Variants in SIK3 observed in about 807,000 individuals in gnomAD.
The protein encoded by SIK3 is serine/threonine-protein kinase SIK3.
SIK3 carries 28 observed loss-of-function variants against 144.2 expected under a neutral mutation model. The observed-to-expected ratio is 0.19, with a 90% CI of 0.14 to 0.27. The LOEUF (loss-of-function observed/expected upper bound fraction) is 0.27, where lower values mean the gene tolerates loss of function less well. SIK3 is among the 10% of genes least tolerant of loss of function. SIK3 has a pLI of 1.00. For synonymous variants in SIK3, 686 were observed against 676.3 expected (o/e 1.01, Z -0.22); for missense variants, 1,319 against 1,776.0 (o/e 0.74, Z 4.62).
At chr11:116,908,250 A>C (rs1946155064) in intron 4 of SIK3, among the ~76,000 whole-genome samples, 1 of 152,180 alleles carries the variant, frequency 6.6e-6, no homozygotes, top group African/African-American at 2.4e-5. Flanking sequence ...CCAAGACAGG[A>C]GGATTGCTTG....
At chr11:116,855,083 CAAAA>C (rs528405922) in intron 21 of SIK3, among the ~76,000 whole-genome samples, 166 of 82,080 alleles carry the variant, frequency 2.0e-3, no homozygotes, top group African/African-American at 8.6e-3. Context: ...GAGACTCTGC[CAAAA>C]AAAAAAAAAA....
chr11:117,018,796 C>G (rs1466506056), intron 1 of SIK3, among the ~76,000 whole-genome samples: 1 of 151,944 alleles, frequency 6.6e-6, no homozygotes, highest in Non-Finnish European at 1.5e-5. Flanking sequence ...ACTGAAACCT[C>G]CACCTCCTGT....
rs548261716 is a variant in SIK3 at position 116,989,521 on chromosome 11, G to C, written c.274-32457C>G. Among the ~76,000 whole-genome samples the C allele has an allele frequency of 7.3e-5, 11 of 150,930 alleles. No homozygotes were observed. The South Asian group carries it at 2.3e-3, about 32-fold the overall frequency. On this transcript the variant is annotated intron_variant, in intron 1 of 24. Transcript: ENST00000445177. ...CCAGGTCAGTCCTCTGAGACCTCCA[G>C]TACCAAAAAGATACAGTATCAGTAA...
At chr11:116,941,902 A>T (rs1284482473) in intron 3 of SIK3, among the ~76,000 whole-genome samples, 2 of 152,228 alleles carry the variant, frequency 1.3e-5, no homozygotes, top group African/African-American at 4.8e-5. Context: ...AAAACTAACC[A>T]GTTTCTCAAT....
In SIK3 at chr11:116,859,250, G is replaced by A. The variant is rs770697792; in HGVS notation, c.2765+15C>T. 29 of 1,588,304 alleles carry A rather than the reference G, an allele frequency of 1.8e-5. No individual in the cohort carries two copies. The Middle Eastern group carries it at 8.4e-4, about 46-fold the overall frequency. ...TCCCATGCATAGATGGCTGGGTGAC[G>A]TTAGGCGGTCTTACCTGTGAGCCTC... On this transcript the variant is annotated intron_variant, in intron 20 of 24. Coordinates refer to ENST00000445177, the MANE Select transcript of SIK3 (RefSeq NM_001366686.3).
chr11:116,906,815 A>G (rs562908058), intron 4 of SIK3, among the ~76,000 whole-genome samples: 4 of 152,364 alleles, frequency 2.6e-5, no homozygotes, highest in African/African-American at 9.6e-5. Flanking sequence ...ATCCAGATCC[A>G]TTCAGAGTTA....
Position 116,869,766 on chromosome 11 carries a change from C to T in SIK3, c.1808+565G>A, listed in dbSNP as rs188287950. 1,418 of 240,734 alleles carry T rather than the reference C, an allele frequency of 5.9e-3. 64 individuals carry two copies. The Admixed American group carries it at 0.069, about 12-fold the overall frequency. 14.9% of individuals were successfully genotyped at this position (240,734 alleles called of 1,614,324 possible). ...CTGCCGTTCTCTGTGAGTTAGGCAT[C>T]TCTCAACAAGGTTCTGTAAACAATG... On this transcript the variant is annotated intron_variant, in intron 14 of 24. Coordinates refer to ENST00000445177, the MANE Select transcript of SIK3 (RefSeq NM_001366686.3).
chr11:117,013,972 C>CTTTTTTTT (rs71037442), intron 1 of SIK3, among the ~76,000 whole-genome samples: 859 of 26,944 alleles, frequency 0.032, 202 homozygotes, highest in African/African-American at 0.08. Context: ...TTTTTCTTTT[C>CTTTTTTTT]TTTTTTTTTT....
chr11:117,064,013 T>C (rs920130805), intron 1 of SIK3, among the ~76,000 whole-genome samples: 4 of 152,134 alleles, frequency 2.6e-5, no homozygotes, highest in Admixed American at 1.3e-4. Flanking sequence ...AACTTTATTA[T>C]ATGTTAATGA....
In SIK3 at chr11:116,844,964, T is replaced by C. The variant is rs921958010; in HGVS notation, c.*679A>G. Reference sequence around the variant, plus strand: ...CCTCCGTGCCAAACTCTTCATATGATCTTGGCTAGGACAGACATGTTTTCC... The same window carrying C: ...CCTCCGTGCCAAACTCTTCATATGACCTTGGCTAGGACAGACATGTTTTCC... On this transcript the variant is annotated 3_prime_UTR_variant, in exon 25 of 25. Transcript: ENST00000445177. 4 of 151,968 alleles carry C rather than the reference T, an allele frequency of 2.6e-5. No homozygotes were observed. The highest frequency in any genetic ancestry group is 9.7e-5 in the African/African-American group (4 of 41,370). The allele number at this position is 151,968 out of a possible 1,614,324, so 9.4% of individuals were successfully genotyped here. A position where few individuals can be genotyped will look rare whatever the true frequency, so the allele number is the denominator to read the frequency against.
At chr11:116,915,031 C>A (rs1457198223) in intron 4 of SIK3, among the ~76,000 whole-genome samples, 4 of 151,066 alleles carry the variant, frequency 2.6e-5, no homozygotes, top group Non-Finnish European at 4.4e-5. Flanking sequence ...TCATATTATC[C>A]CATCATACAA....
intron 3 of SIK3, among the ~76,000 whole-genome samples, chr11:116,931,687 T>G (rs1947610744): frequency 6.6e-6 from 1 of 152,206 alleles, no homozygotes; most frequent in Admixed American, 6.5e-5. Flanking sequence ...AATTCCAAAC[T>G]AACCACAGCT....
In SIK3 at chr11:116,858,756, G is replaced by C. The variant is rs1451391415; in HGVS notation, c.2766-57C>G. ...ATGTAACAAGTACTAGACTTCCTGG[G>C]AACAGCTCCTCCTCCTCAGTAGGGA... On this transcript the variant is annotated intron_variant, in intron 20 of 24. Coordinates refer to ENST00000445177, the MANE Select transcript of SIK3 (RefSeq NM_001366686.3). The surrounding 1 kb of genome is among the most constrained non-coding windows in gnomAD (Gnocchi z 5.4). 5.7e-5 allele frequency: 86 copies of C among 1,510,622 alleles called. 1 individual carries two copies. In the South Asian group the frequency reaches 1.1e-3, roughly 19 times the overall value. The allele number at this position is 1,510,622 out of a possible 1,614,324, so 93.6% of individuals were successfully genotyped here.
intron 3 of SIK3, among the ~76,000 whole-genome samples, chr11:116,940,813 T>C (rs1718016893): frequency 1.4e-5 from 2 of 144,314 alleles, no homozygotes; most frequent in Admixed American, 1.4e-4. Context: ...GATAAATAAA[T>C]AAAATAAATG....
chr11:117,027,760 C>A (rs994703177), intron 1 of SIK3, among the ~76,000 whole-genome samples: 2 of 152,132 alleles, frequency 1.3e-5, no homozygotes, highest in African/African-American at 2.4e-5. Flanking sequence ...AGCCACTGTG[C>A]CCGGCCCAGG....
At chr11:116,868,823 A>G (rs1418051548) in intron 14 of SIK3, 1 of 152,310 alleles carries the variant, frequency 6.6e-6, no homozygotes, top group Non-Finnish European at 1.5e-5. Flanking sequence ...TTTTATTCGG[A>G]AGATCTTTCA....
At chr11:116,971,994 G>C (rs1196476804) in intron 1 of SIK3, among the ~76,000 whole-genome samples, 1 of 151,412 alleles carries the variant, frequency 6.6e-6, no homozygotes, top group Non-Finnish European at 1.5e-5. Context: ...AGGCTGAGCA[G>C]AGAACTGCTT....
At chr11:116,876,177 G>A (rs1188577756) in intron 8 of SIK3, 76 bp downstream of exon 8, 13 of 1,516,052 alleles carry the variant, frequency 8.6e-6, no homozygotes, top group African/African-American at 7.0e-5. Context: ...CCAAGTTCCC[G>A]AGAAGGCGAA....
intron 1 of SIK3, among the ~76,000 whole-genome samples, chr11:116,987,987 A>G (rs12793017): frequency 0.033 from 4,961 of 152,340 alleles, 129 homozygotes; most frequent in Non-Finnish European, 0.051. Flanking sequence ...AGCACCACGT[A>G]CTGTGAGAAG....
Sources: gnomAD v4.1 joint callset for allele counts (sites outside exome capture counted in the v4.1 genomes callset) on GRCh38, gnomAD v4.1.1 for gene constraint, Gnocchi (gnomAD v3.1) non-coding constraint, MANE v1.5 for transcripts, NCBI Gene and HGNC (gene_info 2026-07-23, HGNC 2026-07-21) for gene names.